Variants in DPYS observed in about 807,000 individuals in gnomAD.
DPYS encodes the protein dihydropyrimidinase.
A neutral mutation model predicts 50.3 loss-of-function variants in DPYS; 39 were observed. The observed-to-expected ratio is 0.78, with a 90% CI of 0.60 to 1.01. DPYS has a LOEUF of 1.01. DPYS is among the 50% of genes least tolerant of loss of function. DPYS has a pLI of 0.00. For missense variants in DPYS, 659 were observed against 680.9 expected, an observed-to-expected ratio of 0.97 and a Z score of 0.36; for synonymous variants, 245 against 250.7, an observed-to-expected ratio of 0.98 and a Z score of 0.22.
At chr8:104,461,386 T>A (rs751257494) in intron 1 of DPYS, among the ~76,000 whole-genome samples, 2 of 152,070 alleles carry the variant, frequency 1.3e-5, no homozygotes, top group Non-Finnish European at 2.9e-5. Flanking sequence ...ATGGGAATGA[T>A]AATGGGCACA....
At chr8:104,445,652 G>A (rs1334159899) in intron 3 of DPYS, among the ~76,000 whole-genome samples, 2 of 152,004 alleles carry the variant, frequency 1.3e-5, no homozygotes, top group Non-Finnish European at 2.9e-5. Context: ...GCGGTGGGGA[G>A]AGGGGGGAAG....
chr8:104,449,889 T>A lies in DPYS; in HGVS notation c.423+1357A>T, dbSNP rs548118009. 9.8e-5 allele frequency among the ~76,000 whole-genome samples: 15 copies of A among 152,292 alleles called. No individual in the cohort carries two copies. The South Asian group carries it at 3.1e-3, about 32-fold the overall frequency. Reference sequence around the variant, plus strand: ...GCCTCCACAACTGTGAGGCAGTAAATGTCTGTTGTTTAAGCCATTCTGTTT... The same window carrying A: ...GCCTCCACAACTGTGAGGCAGTAAAAGTCTGTTGTTTAAGCCATTCTGTTT... On this transcript the variant is annotated intron_variant, in intron 2 of 9. Transcript: ENST00000351513.
At chr8:104,391,710 T>C (rs1811393458) in intron 8 of DPYS, among the ~76,000 whole-genome samples, 1 of 152,156 alleles carries the variant, frequency 6.6e-6, no homozygotes, top group East Asian at 1.9e-4. Flanking sequence ...AAGTGACATT[T>C]ATTGACCTCC....
At chr8:104,394,095 T>C (rs540521257) in intron 7 of DPYS, among the ~76,000 whole-genome samples, 41 of 152,360 alleles carry the variant, frequency 2.7e-4, no homozygotes, top group Non-Finnish European at 4.9e-4. Context: ...CTTAGAATAA[T>C]AGCATACTCT....
chr8:104,393,368 A>G (rs888015929), intron 7 of DPYS, among the ~76,000 whole-genome samples: 1 of 152,198 alleles, frequency 6.6e-6, no homozygotes, highest in African/African-American at 2.4e-5. Flanking sequence ...CACTGACCCT[A>G]TATCCAGCTC....
At chr8:104,415,717 T>A (rs1401405110) in intron 7 of DPYS, among the ~76,000 whole-genome samples, 3 of 152,096 alleles carry the variant, frequency 2.0e-5, no homozygotes, top group African/African-American at 7.2e-5. Flanking sequence ...GCCAAAATAA[T>A]CCATCCAAGC....
At chr8:104,420,338 C>T (rs567422514) in intron 7 of DPYS, 27 of 152,278 alleles carry the variant, frequency 1.8e-4, no homozygotes, top group Admixed American at 1.5e-3. Flanking sequence ...CTCATAACAA[C>T]CAGGCCAAGA....
At chr8:104,464,917 A>G (rs188381210) in intron 1 of DPYS, among the ~76,000 whole-genome samples, 2 of 152,356 alleles carry the variant, frequency 1.3e-5, no homozygotes, top group Admixed American at 1.3e-4. Context: ...AAAGGGAAAA[A>G]TGAATAAACA....
In DPYS at chr8:104,424,329, T is replaced by A. The variant is rs764686138; in HGVS notation, c.1153A>T (p.Ile385Phe). ...CCTTTTCTTGGATAGAGATTAAAAA[T>A]TTTGGCTGCATTTGTGCTGGTAACT... The part of the protein sequence containing the change: ...VAVTSTNAAK[I>F]FNLYPRKGRI... Residue 385 changes from isoleucine (I) to phenylalanine (F), a missense_variant, in exon 7 of 10, where the codon ATT (isoleucine) becomes TTT (phenylalanine). By Grantham distance (21) the Ile-to-Phe change is conservative. Coordinates refer to ENST00000351513, the MANE Select transcript of DPYS (RefSeq NM_001385.3). The A allele has an allele frequency of 4.3e-6, 7 of 1,613,988 alleles. No individual in the cohort carries two copies. Among genetic ancestry groups the A allele is most frequent in the Non-Finnish European group, 5.9e-6 (7 of 1,180,010 alleles).
At chr8:104,462,028 C>A (rs745748613) in intron 1 of DPYS, among the ~76,000 whole-genome samples, 2 of 152,126 alleles carry the variant, frequency 1.3e-5, no homozygotes, top group East Asian at 3.8e-4. Context: ...TCTTTATACT[C>A]ATCTGTATTT....
chr8:104,459,697 C>T (rs1814057154), intron 1 of DPYS, among the ~76,000 whole-genome samples: 1 of 152,130 alleles, frequency 6.6e-6, no homozygotes, highest in African/African-American at 2.4e-5. Flanking sequence ...AAAGCAAAGC[C>T]TCCCCAAAGA....
rs1814414803 is a variant in DPYS, at chr8:104,466,688, C to T, written c.233G>A (p.Arg78Gln). Reference protein sequence around the residue: ...THMQFPFMGSRSIDDFHQGTK... With the variant: ...THMQFPFMGSQSIDDFHQGTK... Reference sequence around the variant, plus strand: ...GCCCTGGTGGAAGTCGTCGATGGACCGCGAGCCCATGAAGGGGAACTGCAT... The same window carrying T: ...GCCCTGGTGGAAGTCGTCGATGGACTGCGAGCCCATGAAGGGGAACTGCAT... Residue 78 changes from arginine (R) to glutamine (Q), a missense_variant, in exon 1 of 10, where the codon CGG (arginine) becomes CAG (glutamine). Transcript: ENST00000351513. 1.3e-6 allele frequency: 2 copies of T among 1,528,894 alleles called. No homozygotes were observed. The highest frequency in any genetic ancestry group is 2.5e-5 in the East Asian group (1 of 39,680). The allele number at this position is 1,528,894 out of a possible 1,614,324, so 94.7% of individuals were successfully genotyped here. A position where few individuals can be genotyped will look rare whatever the true frequency, so the allele number is the denominator to read the frequency against.
At chr8:104,461,454 T>G (rs1588465322) in intron 1 of DPYS, among the ~76,000 whole-genome samples, 2 of 152,304 alleles carry the variant, frequency 1.3e-5, no homozygotes, top group African/African-American at 4.8e-5. Flanking sequence ...TGTCTAATAC[T>G]CATTGGCCCA....
chr8:104,387,454 C>T (rs1040782290), intron 8 of DPYS, among the ~76,000 whole-genome samples: 12 of 152,102 alleles, frequency 7.9e-5, no homozygotes, highest in Non-Finnish European at 1.2e-4. Flanking sequence ...GAAGTGAACC[C>T]TCTGTGCAGA....
chr8:104,453,298 T>C (rs1471972213), intron 1 of DPYS, among the ~76,000 whole-genome samples: 2 of 152,202 alleles, frequency 1.3e-5, no homozygotes, highest in African/African-American at 4.8e-5. Flanking sequence ...GAAATCCCTA[T>C]TGATGTAATG....
intron 7 of DPYS, among the ~76,000 whole-genome samples, chr8:104,411,132 A>G (rs1812160134): frequency 6.6e-6 from 1 of 152,216 alleles, no homozygotes. Context: ...CTATGTTTAT[A>G]TCTTTGTCTT....
chr8:104,446,576 A>G (rs1426164878), intron 3 of DPYS, among the ~76,000 whole-genome samples: 1 of 152,214 alleles, frequency 6.6e-6, no homozygotes, highest in Non-Finnish European at 1.5e-5. Context: ...TCCTGTTGTC[A>G]TGAAACTATA....
At chr8:104,456,104 T>C (rs2140753791) in intron 1 of DPYS, among the ~76,000 whole-genome samples, 1 of 152,238 alleles carries the variant, frequency 6.6e-6, no homozygotes, top group Non-Finnish European at 1.5e-5. Flanking sequence ...GCCTATGGTA[T>C]TCAGTAGAGT....
At chr8:104,432,605 A>G (rs563758907) in intron 4 of DPYS, among the ~76,000 whole-genome samples, 5 of 152,368 alleles carry the variant, frequency 3.3e-5, no homozygotes, top group Admixed American at 2.6e-4. Context: ...ACATTTACAA[A>G]GGAAGAAAAG....
Sources: allele counts gnomAD v4.1 joint callset (sites outside exome capture counted in the v4.1 genomes callset), GRCh38; gene constraint gnomAD v4.1.1; transcripts MANE v1.5; gene names NCBI Gene and HGNC (gene_info 2026-07-23, HGNC 2026-07-21).